DYRK1A: variants seen among roughly 807,000 people sequenced by gnomAD.
DYRK1A encodes dual specificity tyrosine phosphorylation regulated kinase 1A.
Under a neutral mutation model 79.7 loss-of-function variants are expected in DYRK1A, and 9 were observed. The ratio of observed to expected loss-of-function variants is 0.11; its 90% CI spans 0.07 to 0.20. DYRK1A has a LOEUF of 0.20. Among genes scored for constraint, DYRK1A ranks in the 10% least tolerant of loss-of-function variants. The pLI, the probability that DYRK1A is intolerant of heterozygous loss-of-function variation, is 1.00. For synonymous variants in DYRK1A, 349 were observed against 329.7 expected, an observed-to-expected ratio of 1.06 and a Z score of -0.63; for missense variants, 622 against 956.0, an observed-to-expected ratio of 0.65 and a Z score of 4.61.
In DYRK1A at chr21:37,458,758, G is replaced by A. The variant is rs188636212; in HGVS notation, c.11-13926G>A. On this transcript the variant is annotated intron_variant, in intron 2 of 11. Coordinates refer to ENST00000647188, the MANE Select transcript of DYRK1A (RefSeq NM_001347721.2). ...AATGAATATGCTAACTTTGCACGCC[G>A]CAGAGGAATGTGAGATATAGAGAGC... Among the ~76,000 whole-genome samples the A allele has an allele frequency of 5.3e-5, 8 of 152,288 alleles. No homozygotes were observed. The South Asian group carries it at 6.2e-4, about 12-fold the overall frequency.
chr21:37,371,120 C>T (rs1224440106), intron 1 of DYRK1A, among the ~76,000 whole-genome samples: 1 of 152,156 alleles, frequency 6.6e-6, no homozygotes, highest in African/African-American at 2.4e-5. Flanking sequence ...TAAAATTTCT[C>T]CTCAGTTGCT....
intron 2 of DYRK1A, among the ~76,000 whole-genome samples, chr21:37,422,869 A>T (rs1382226307): frequency 6.6e-6 from 1 of 152,136 alleles, no homozygotes. Flanking sequence ...TGATGTATTT[A>T]GTTCATGTAT....
At chr21:37,442,812 C>A (rs545461610) in intron 2 of DYRK1A, among the ~76,000 whole-genome samples, 1 of 152,238 alleles carries the variant, frequency 6.6e-6, no homozygotes, top group South Asian at 2.1e-4. Flanking sequence ...TATTTGAATA[C>A]ATGGAGTACA....
intron 2 of DYRK1A, among the ~76,000 whole-genome samples, chr21:37,436,974 A>G (rs1426651597): frequency 1.3e-5 from 2 of 152,178 alleles, no homozygotes; most frequent in African/African-American, 4.8e-5. Context: ...GACTAGGAAA[A>G]GATTCTTGGC....
intron 1 of DYRK1A, among the ~76,000 whole-genome samples, chr21:37,383,071 A>G (rs1328202424): frequency 1.3e-5 from 2 of 152,202 alleles, no homozygotes; most frequent in Non-Finnish European, 1.5e-5. Flanking sequence ...CACTTTCCCC[A>G]CCGCTTTTGC....
At chr21:37,480,240 A>G (rs1230513640) in intron 4 of DYRK1A, among the ~76,000 whole-genome samples, 1 of 152,220 alleles carries the variant, frequency 6.6e-6, no homozygotes, top group Non-Finnish European at 1.5e-5. Flanking sequence ...GGAAGGGGGC[A>G]TGAGAGAACT....
intron 1 of DYRK1A, among the ~76,000 whole-genome samples, chr21:37,404,506 C>T (rs2050113564): frequency 6.6e-6 from 1 of 152,142 alleles, no homozygotes; most frequent in Admixed American, 6.5e-5. Flanking sequence ...AGGTCCCCTT[C>T]TGTGCACCTC....
intron 1 of DYRK1A, among the ~76,000 whole-genome samples, chr21:37,390,772 G>A (rs1368953863): frequency 6.6e-6 from 1 of 152,068 alleles, no homozygotes; most frequent in Non-Finnish European, 1.5e-5. Flanking sequence ...GTTTCGCCAT[G>A]TTGCCCAGGC....
At chr21:37,451,921 G>A (rs1197395453) in intron 2 of DYRK1A, among the ~76,000 whole-genome samples, 5 of 152,098 alleles carry the variant, frequency 3.3e-5, no homozygotes, top group African/African-American at 4.8e-5. Context: ...ATAGGAGGGC[G>A]GGGATAGCAT....
intron 11 of DYRK1A, among the ~76,000 whole-genome samples, chr21:37,508,888 A>C (rs551181253): frequency 5.9e-5 from 9 of 152,118 alleles, no homozygotes; most frequent in African/African-American, 1.9e-4. Flanking sequence ...GGCTCTCTCT[A>C]AATCTTTAGA....
chr21:37,506,418 A>G (rs974553905), intron 11 of DYRK1A, 195 bp downstream of exon 11: 7 of 1,481,330 alleles, frequency 4.7e-6, no homozygotes, highest in East Asian at 2.5e-5. Flanking sequence ...AGAAGTGGCT[A>G]ACACTTATTG....
chr21:37,434,564 A>AT (rs1257125180), intron 2 of DYRK1A, among the ~76,000 whole-genome samples: 1 of 152,172 alleles, frequency 6.6e-6, no homozygotes, highest in African/African-American at 2.4e-5. Context: ...ATTATTAGAC[A>AT]TTTTGCATAT....
intron 2 of DYRK1A, among the ~76,000 whole-genome samples, chr21:37,444,726 A>G (rs2051213697): frequency 1.3e-5 from 2 of 152,274 alleles, no homozygotes; most frequent in Non-Finnish European, 2.9e-5. Context: ...TGGGTAGGGG[A>G]TGATAAATTA....
intron 2 of DYRK1A, among the ~76,000 whole-genome samples, chr21:37,457,413 G>T (rs8128072): frequency 0.072 from 10,964 of 152,036 alleles, 1,316 homozygotes; most frequent in African/African-American, 0.25. Context: ...GTGTGTGTGT[G>T]TTTAGTAGAG....
intron 10 of DYRK1A, 123 bp downstream of exon 10, chr21:37,505,712 C>T (rs560223774): frequency 9.1e-7 from 1 of 1,093,996 alleles, no homozygotes; most frequent in African/African-American, 1.6e-5. Context: ...TTACTTAAAT[C>T]TGTTCTTTGT....
chr21:37,420,306 G>GAT lies in DYRK1A; in HGVS notation c.-69_-68insAT. ...CTGTTTTTCTTCACACAGTGTTATA[G>GAT]TTTTGCCGCTGGACTCTTCCCTCCC... is the stretch of plus-strand genomic sequence containing the variant. On this transcript the variant is annotated 5_prime_UTR_variant, in exon 2 of 12. Transcript: ENST00000647188. 6.8e-7 allele frequency: 1 copy of GAT among 1,460,320 alleles called. No individual in the cohort carries two copies. The highest frequency in any genetic ancestry group is 9.6e-7 in the Non-Finnish European group (1 of 1,045,538). The allele number at this position is 1,460,320 out of a possible 1,614,324, so 90.5% of individuals were successfully genotyped here.
chr21:37,478,744 T>G (rs2052493181), intron 4 of DYRK1A, among the ~76,000 whole-genome samples: 1 of 152,244 alleles, frequency 6.6e-6, no homozygotes, highest in Non-Finnish European at 1.5e-5. Flanking sequence ...TACAGGCATT[T>G]GGCCTAGTTT....
chr21:37,411,730 C>T (rs1344974854), intron 1 of DYRK1A, among the ~76,000 whole-genome samples: 2 of 152,172 alleles, frequency 1.3e-5, no homozygotes, highest in Admixed American at 6.5e-5. Context: ...ACAAAATACA[C>T]ATTCATTTTA....
intron 2 of DYRK1A, among the ~76,000 whole-genome samples, chr21:37,433,375 A>G (rs1440434069): frequency 6.6e-6 from 1 of 152,220 alleles, no homozygotes; most frequent in Non-Finnish European, 1.5e-5. Flanking sequence ...GGACCAGGAA[A>G]CAGTCCCTTG....
Sources: allele counts gnomAD v4.1 joint callset (sites outside exome capture counted in the v4.1 genomes callset), GRCh38; gene constraint gnomAD v4.1.1; transcripts MANE v1.5; gene names NCBI Gene and HGNC (gene_info 2026-07-23, HGNC 2026-07-21).